RPS6KA2: variants seen among roughly 807,000 people sequenced by gnomAD.
RPS6KA2 encodes the protein ribosomal protein S6 kinase A2, also known as ribosomal protein S6 kinase alpha-2.
Under a neutral mutation model 91.8 loss-of-function variants are expected in RPS6KA2, and 42 were observed. That is an observed-to-expected ratio of 0.46 (90% CI 0.36 to 0.59). The LOEUF (loss-of-function observed/expected upper bound fraction) is 0.59. RPS6KA2 is among the 20% of genes least tolerant of loss of function. The pLI, the probability that RPS6KA2 is intolerant of heterozygous loss-of-function variation, is 0.00. For synonymous variants in RPS6KA2, 414 were observed against 393.6 expected (o/e 1.05, Z -0.61); for missense variants, 798 against 978.5 (o/e 0.82, Z 2.46).
At chr6:166,764,735 G>A (rs1778262660) in intron 2 of RPS6KA2, among the ~76,000 whole-genome samples, 3 of 152,336 alleles carry the variant, frequency 2.0e-5, no homozygotes, top group Admixed American at 1.3e-4. Flanking sequence ...CTGACAACGG[G>A]AGGAAGACGC....
chr6:166,731,531 C>T (rs1790518898), intron 2 of RPS6KA2, among the ~76,000 whole-genome samples: 1 of 152,050 alleles, frequency 6.6e-6, no homozygotes. Context: ...TTCTGCTTGC[C>T]AACAGCACTT....
intron 1 of RPS6KA2, among the ~76,000 whole-genome samples, chr6:166,559,855 T>C (rs906422578): frequency 6.6e-6 from 1 of 152,094 alleles, no homozygotes; most frequent in Admixed American, 6.5e-5. Flanking sequence ...CCCAGACAAA[T>C]ATCAAGAGGC....
chr6:166,506,566 G>C (rs776543953), intron 5 of RPS6KA2, among the ~76,000 whole-genome samples: 2 of 146,318 alleles, frequency 1.4e-5, no homozygotes, highest in Non-Finnish European at 3.0e-5. Flanking sequence ...TTTGTGTAGA[G>C]CTTGGATCAG....
At chr6:166,536,513 C>T (rs1278529284) in intron 2 of RPS6KA2, among the ~76,000 whole-genome samples, 3 of 152,230 alleles carry the variant, frequency 2.0e-5, no homozygotes. Context: ...GTATCTGTGA[C>T]TCTCTAGTGA....
chr6:166,498,698 C>T lies in RPS6KA2; in HGVS notation c.605-48G>A, dbSNP rs115164771. On this transcript the variant is annotated intron_variant, in intron 7 of 20. Coordinates refer to ENST00000265678, the MANE Select transcript of RPS6KA2 (RefSeq NM_021135.6). ...CACTGCCTCAGTCTCTGGGTGTGTTCGGGGGTCCACACTCAGGCGGGCATC... is the reference window on the plus strand; with the variant it reads ...CACTGCCTCAGTCTCTGGGTGTGTTTGGGGGTCCACACTCAGGCGGGCATC... The T allele has an allele frequency of 1.7e-4, 270 of 1,603,938 alleles. No homozygotes were observed. The African/African-American group carries it at 3.0e-3, about 18-fold the overall frequency.
intron 2 of RPS6KA2, among the ~76,000 whole-genome samples, chr6:166,798,206 G>C (rs749301599): frequency 6.6e-6 from 1 of 152,220 alleles, no homozygotes; most frequent in Non-Finnish European, 1.5e-5. Flanking sequence ...AAGCTCTTCA[G>C]AGCCCAATGT....
At chr6:166,685,683 C>A (rs367587882) in intron 2 of RPS6KA2, among the ~76,000 whole-genome samples, 97 of 152,336 alleles carry the variant, frequency 6.4e-4, no homozygotes, top group African/African-American at 2.3e-3. Context: ...CCACTCTTCA[C>A]CCTCACGACA....
chr6:166,417,627 AC>A (rs1356702108), intron 19 of RPS6KA2, among the ~76,000 whole-genome samples: 1 of 149,966 alleles, frequency 6.7e-6, no homozygotes, highest in East Asian at 1.9e-4. Context: ...CTATACACAC[AC>A]ACACACACAC....
chr6:166,700,609 T>C (rs1789480765), intron 2 of RPS6KA2, among the ~76,000 whole-genome samples: 1 of 152,152 alleles, frequency 6.6e-6, no homozygotes, highest in African/African-American at 2.4e-5. Flanking sequence ...AGGTTACTCA[T>C]GTTAGTGTTA....
At chr6:166,431,284 A>T (rs1472096015) in intron 15 of RPS6KA2, among the ~76,000 whole-genome samples, 1 of 152,240 alleles carries the variant, frequency 6.6e-6, no homozygotes, top group African/African-American at 2.4e-5. Flanking sequence ...ACCTTGCAAG[A>T]GCAGGGCCTC....
intron 2 of RPS6KA2, among the ~76,000 whole-genome samples, chr6:166,753,001 G>T (rs1272082234): frequency 6.6e-6 from 1 of 152,196 alleles, no homozygotes. Context: ...TTATTCTGTG[G>T]GTTTAGTCAC....
At chr6:166,841,432 A>G (rs1057382168) in intron 2 of RPS6KA2, among the ~76,000 whole-genome samples, 2 of 152,274 alleles carry the variant, frequency 1.3e-5, no homozygotes, top group Non-Finnish European at 2.9e-5. Context: ...GTGGTCCCAG[A>G]GCTGACGATG....
At chr6:166,469,749 G>A (rs959348213) in intron 11 of RPS6KA2, 92 bp downstream of exon 11, 4 of 1,149,208 alleles carry the variant, frequency 3.5e-6, no homozygotes, top group Non-Finnish European at 5.3e-6. Flanking sequence ...TTGTGACCCG[G>A]ACACTGAGGA....
At chr6:166,680,640 G>A (rs1297855366) in intron 2 of RPS6KA2, among the ~76,000 whole-genome samples, 2 of 152,158 alleles carry the variant, frequency 1.3e-5, no homozygotes, top group South Asian at 2.1e-4. Flanking sequence ...CTTATGAACT[G>A]TAACACTCAC....
At chr6:166,751,860 G>C (rs60511249) in intron 2 of RPS6KA2, among the ~76,000 whole-genome samples, 6,588 of 152,278 alleles carry the variant, frequency 0.043, 256 homozygotes, top group East Asian at 0.23. Context: ...GTGGACCAAG[G>C]ACAGCATGGA....
At chr6:166,584,960 A>G (rs1390580636) in intron 1 of RPS6KA2, among the ~76,000 whole-genome samples, 1 of 152,260 alleles carries the variant, frequency 6.6e-6, no homozygotes. Flanking sequence ...TTGGTGTGTC[A>G]TTCCCAAGAT....
chr6:166,564,938 G>A (rs1037664168), intron 1 of RPS6KA2, among the ~76,000 whole-genome samples: 2 of 152,154 alleles, frequency 1.3e-5, no homozygotes, highest in Admixed American at 6.5e-5. Flanking sequence ...TGTCTGAGCC[G>A]TCATCTGTGG....
At chr6:166,818,710 A>G (rs760210916) in intron 2 of RPS6KA2, among the ~76,000 whole-genome samples, 1 of 152,134 alleles carries the variant, frequency 6.6e-6, no homozygotes, top group Non-Finnish European at 1.5e-5. Flanking sequence ...CAATAAATCC[A>G]TCAATTATTT....
At chr6:166,583,389 T>C (rs886631316) in intron 1 of RPS6KA2, among the ~76,000 whole-genome samples, 5 of 152,310 alleles carry the variant, frequency 3.3e-5, no homozygotes, top group African/African-American at 1.2e-4. Flanking sequence ...CTTTGCCTCC[T>C]GTGAGTCTTG....
Sources: gnomAD v4.1 joint callset for allele counts (sites outside exome capture counted in the v4.1 genomes callset) on GRCh38, gnomAD v4.1.1 for gene constraint, MANE v1.5 for transcripts, NCBI Gene and HGNC (gene_info 2026-07-23, HGNC 2026-07-21) for gene names.